TMEM108: variants seen among roughly 807,000 people sequenced by gnomAD.
The protein encoded by TMEM108 is cancer/testis antigen 124.
A neutral mutation model predicts 35.1 loss-of-function variants in TMEM108; 12 were observed. The ratio of observed to expected loss-of-function variants is 0.34; its 90% CI spans 0.22 to 0.55. The LOEUF is 0.55. Among genes scored for constraint, TMEM108 ranks in the 20% least tolerant of loss-of-function variants. The probability of loss-of-function intolerance (pLI) is 0.89; values close to 1 mark genes in which losing one functional copy is unlikely to be tolerated. For missense variants in TMEM108, 680 were observed against 753.3 expected, an observed-to-expected ratio of 0.90 and a Z score of 1.14; for synonymous variants, 287 against 308.6, an observed-to-expected ratio of 0.93 and a Z score of 0.73.
intron 3 of TMEM108, among the ~76,000 whole-genome samples, chr3:133,270,843 A>ACC (rs1946761531): frequency 6.7e-6 from 1 of 149,936 alleles, no homozygotes; most frequent in African/African-American, 2.5e-5. Flanking sequence ...ACACACACAC[A>ACC]CCCCTACCCC....
intron 2 of TMEM108, among the ~76,000 whole-genome samples, chr3:133,178,045 A>G (rs549424599): frequency 1.2e-3 from 178 of 152,316 alleles, no homozygotes; most frequent in African/African-American, 4.0e-3. Context: ...CCAAATCATG[A>G]GTGAACTCCC....
rs552001913 is a variant in TMEM108, at chr3:133,078,521, T to C, written c.-47+32501T>C. Among the ~76,000 whole-genome samples the C allele has an allele frequency of 2.4e-4, 36 of 152,136 alleles. 1 individual carries two copies. In the South Asian group the frequency reaches 7.5e-3, roughly 32 times the overall value. The stretch of plus-strand genomic sequence containing the variant: ...AAGGCTTGGAGGGGTCCAAGAAAAA[T>C]GAACAAGTTACAAGGCTGTAACCCT... On this transcript the variant is annotated intron_variant, in intron 2 of 5. Coordinates refer to ENST00000321871, the MANE Select transcript of TMEM108 (RefSeq NM_023943.4).
intron 4 of TMEM108, chr3:133,388,924 TG>T: frequency 1.0e-6 from 1 of 985,604 alleles, no homozygotes; most frequent in Non-Finnish European, 1.2e-6. Context: ...CCCCCGGTGC[TG>T]GCCTCTCTGG....
rs376234345 is a variant in TMEM108, at chr3:133,380,944, C to T, written c.1233C>T (p.Thr411=). 67 of 1,614,056 alleles carry T rather than the reference C, an allele frequency of 4.2e-5. No homozygotes were observed. Among genetic ancestry groups the T allele is most frequent in the Middle Eastern group, 1.6e-4 (1 of 6,084 alleles). The part of the protein sequence containing the change: ...KEETVATLTM[T]DRVPSPLSTV... ...AGACTGTGGCCACCCTCACCATGAC[C>T]GACCGGGTGCCCAGTCCTCTCTCCA... is the stretch of plus-strand genomic sequence containing the variant. The change falls in exon 4 of 6, where the codon ACC becomes ACT. Residue 411 remains threonine, a synonymous_variant. Transcript: ENST00000321871. This position sits in a 1 kb window ranked among gnomAD's most constrained non-coding sequence, Gnocchi z 5.3.
At chr3:133,124,960 G>A (rs1576331498) in intron 2 of TMEM108, 1 of 152,168 alleles carries the variant, frequency 6.6e-6, no homozygotes, top group African/African-American at 2.4e-5. Context: ...TAAACATGTG[G>A]GGAAAATAAA....
intron 2 of TMEM108, among the ~76,000 whole-genome samples, chr3:133,096,090 A>G (rs1265934339): frequency 6.6e-6 from 1 of 152,184 alleles, no homozygotes; most frequent in Middle Eastern, 3.2e-3. Context: ...CTTAGACAGA[A>G]TATTCGTATA....
Position 133,380,770 on chromosome 3 carries a change from C to G in TMEM108, c.1059C>G (p.Phe353Leu). The G allele has an allele frequency of 6.2e-7, 1 of 1,614,142 alleles. No individual in the cohort carries two copies. The highest frequency in any genetic ancestry group is 8.5e-7 in the Non-Finnish European group (1 of 1,180,018). ...SRPLSTSSGV[F>L]TAATGPTPAA... ...CTCTGTCTACCAGCTCTGGGGTCTT[C>G]ACGGCTGCCACGGGGCCCACCCCAG... is the stretch of plus-strand genomic sequence containing the variant. The change falls in exon 4 of 6, where the codon TTC (phenylalanine) becomes TTG (leucine). Residue 353 changes from phenylalanine to leucine, a missense_variant. This residue lies in a region of TMEM108 where 526 missense variants were observed against 532.1 expected (regional missense o/e 0.99). Coordinates refer to ENST00000321871, the MANE Select transcript of TMEM108 (RefSeq NM_023943.4). This position sits in a 1 kb window ranked among gnomAD's most constrained non-coding sequence, Gnocchi z 5.3.
intron 3 of TMEM108, among the ~76,000 whole-genome samples, chr3:133,375,607 A>G (rs1436319423): frequency 1.3e-5 from 2 of 152,170 alleles, no homozygotes; most frequent in Non-Finnish European, 2.9e-5. Context: ...AAGGCCTCAG[A>G]TGTTTATTGT....
chr3:133,080,043 ATACT>A (rs1943790055), intron 2 of TMEM108, among the ~76,000 whole-genome samples: 1 of 152,184 alleles, frequency 6.6e-6, no homozygotes, highest in African/African-American at 2.4e-5. Context: ...CTCTTTCCAC[ATACT>A]TACTTGTCAT....
intron 3 of TMEM108, among the ~76,000 whole-genome samples, chr3:133,280,276 C>T (rs78261135): frequency 0.015 from 2,284 of 152,236 alleles, 69 homozygotes; most frequent in African/African-American, 0.052. Flanking sequence ...AGATGATTTT[C>T]CCCAATATAT....
chr3:133,378,189 A>C (rs948262399), intron 3 of TMEM108, among the ~76,000 whole-genome samples: 1 of 152,204 alleles, frequency 6.6e-6, no homozygotes, highest in Non-Finnish European at 1.5e-5. Context: ...TGCAATCTAA[A>C]GTCCCCCGCA....
At chr3:133,347,387 C>T (rs2071853407) in intron 3 of TMEM108, among the ~76,000 whole-genome samples, 1 of 151,740 alleles carries the variant, frequency 6.6e-6, no homozygotes, top group Non-Finnish European at 1.5e-5. Context: ...GTTTTCTTTC[C>T]TTCCTTTTTT....
At chr3:133,238,585 C>A (rs866625569) in intron 3 of TMEM108, among the ~76,000 whole-genome samples, 1 of 152,262 alleles carries the variant, frequency 6.6e-6, no homozygotes, top group Middle Eastern at 3.4e-3. Context: ...TCAGCAAACC[C>A]ATCTGTAGTT....
intron 2 of TMEM108, among the ~76,000 whole-genome samples, chr3:133,223,409 A>C (rs889385055): frequency 6.6e-6 from 1 of 152,188 alleles, no homozygotes; most frequent in Non-Finnish European, 1.5e-5. Context: ...AAACTACTGT[A>C]GTAGACCTGT....
chr3:133,320,314 A>G (rs921989415), intron 3 of TMEM108, among the ~76,000 whole-genome samples: 1 of 151,834 alleles, frequency 6.6e-6, no homozygotes, highest in Non-Finnish European at 1.5e-5. Flanking sequence ...CTCCAAAGAA[A>G]TAGCTATCAT....
intron 3 of TMEM108, among the ~76,000 whole-genome samples, chr3:133,353,547 C>T (rs2072069946): frequency 1.3e-5 from 2 of 152,184 alleles, no homozygotes; most frequent in African/African-American, 4.8e-5. Context: ...TCTGCCTTTG[C>T]CTGTGTGGTC....
At chr3:133,236,405 C>G (rs1450520859) in intron 3 of TMEM108, among the ~76,000 whole-genome samples, 1 of 152,094 alleles carries the variant, frequency 6.6e-6, no homozygotes, top group African/African-American at 2.4e-5. Flanking sequence ...AATACACCCC[C>G]TTTTCTGCCA....
intron 2 of TMEM108, among the ~76,000 whole-genome samples, chr3:133,228,174 T>C (rs1470243021): frequency 7.0e-6 from 1 of 141,962 alleles, no homozygotes; most frequent in Admixed American, 7.3e-5. Context: ...ATTTTATGTA[T>C]GAGTTATATC....
At chr3:133,326,526 A>G (rs541723403) in intron 3 of TMEM108, among the ~76,000 whole-genome samples, 7 of 152,306 alleles carry the variant, frequency 4.6e-5, no homozygotes, top group African/African-American at 1.7e-4. Flanking sequence ...GTGATGATCA[A>G]ATGGAATAGT....
Sources: allele counts gnomAD v4.1 joint callset (sites outside exome capture counted in the v4.1 genomes callset), GRCh38; gene constraint gnomAD v4.1.1; regional missense constraint gnomAD v4.1.1; non-coding constraint Gnocchi (gnomAD v3.1); transcripts MANE v1.5; gene names NCBI Gene and HGNC (gene_info 2026-07-23, HGNC 2026-07-21).